Variants in SHROOM3 observed in about 807,000 individuals in gnomAD.
SHROOM3 encodes the protein shroom family member 3.
A neutral mutation model predicts 138.6 loss-of-function variants in SHROOM3; 47 were observed. That is an observed-to-expected ratio of 0.34 (90% CI 0.27 to 0.43). SHROOM3 has a LOEUF of 0.43. Among genes scored for constraint, SHROOM3 ranks in the 20% least tolerant of loss-of-function variants. SHROOM3 has a pLI of 1.00. For synonymous variants in SHROOM3, 1,062 were observed against 1,063.3 expected (o/e 1.00, Z 0.02); for missense variants, 2,491 against 2,596.5 (o/e 0.96, Z 0.88).
intron 2 of SHROOM3, among the ~76,000 whole-genome samples, chr4:76,608,248 G>C (rs536913565): frequency 8.5e-5 from 13 of 152,204 alleles, no homozygotes; most frequent in African/African-American, 3.1e-4. Flanking sequence ...TCTCGAGGGA[G>C]CGCATTCGTT....
At chr4:76,586,602 C>A in intron 2 of SHROOM3, 1 of 444,808 alleles carries the variant, frequency 2.2e-6, no homozygotes, top group Non-Finnish European at 3.0e-6. Flanking sequence ...GTGATGAAAT[C>A]ACCAAGGTTT....
At chr4:76,562,646 C>T (rs1022784221) in intron 2 of SHROOM3, among the ~76,000 whole-genome samples, 1 of 152,056 alleles carries the variant, frequency 6.6e-6, no homozygotes, top group African/African-American at 2.4e-5. Context: ...TTTTCACTAC[C>T]ACCTCCTCAC....
At chr4:76,611,752 G>A (rs958844704) in intron 2 of SHROOM3, among the ~76,000 whole-genome samples, 3 of 152,264 alleles carry the variant, frequency 2.0e-5, no homozygotes, top group African/African-American at 4.8e-5. Context: ...GGAAACACAC[G>A]GAACATGCCC....
At chr4:76,438,159 A>T (rs916523646) in intron 1 of SHROOM3, among the ~76,000 whole-genome samples, 2 of 152,184 alleles carry the variant, frequency 1.3e-5, no homozygotes, top group African/African-American at 4.8e-5. Context: ...ATAATATAGG[A>T]ATTTATTTCT....
Position 76,594,212 on chromosome 4 carries a change from A to G in SHROOM3, c.323+38449A>G, listed in dbSNP as rs141369731. 1.3e-3 allele frequency among the ~76,000 whole-genome samples: 205 copies of G among 152,338 alleles called. 4 individuals are homozygous for G. In the East Asian group the frequency reaches 0.025, roughly 18 times the overall value. On this transcript the variant is annotated intron_variant, in intron 2 of 10. Transcript: ENST00000296043. ...CTGCTACATTGGATTTCTCATCCACAAAATGTCTAATCCTATGTGCTCTTT... is the reference window on the plus strand; with the variant it reads ...CTGCTACATTGGATTTCTCATCCACGAAATGTCTAATCCTATGTGCTCTTT...
intron 2 of SHROOM3, among the ~76,000 whole-genome samples, chr4:76,605,960 T>C (rs545770427): frequency 3.0e-3 from 435 of 143,222 alleles, no homozygotes; most frequent in Non-Finnish European, 4.9e-3. Context: ...CATATATATA[T>C]ACATATATAT....
chr4:76,586,332 G>A, intron 2 of SHROOM3: 1 of 985,736 alleles, frequency 1.0e-6, no homozygotes, highest in South Asian at 4.7e-5. Context: ...TCCTGGGCCA[G>A]AACCGTGCCT....
chr4:76,490,539 G>A (rs1286800087), intron 1 of SHROOM3, among the ~76,000 whole-genome samples: 2 of 152,036 alleles, frequency 1.3e-5, no homozygotes, highest in Non-Finnish European at 2.9e-5. Flanking sequence ...ACAGGTGTGA[G>A]CCACCGCACC....
At chr4:76,735,733 G>A (rs13119819) in intron 4 of SHROOM3, among the ~76,000 whole-genome samples, 10,830 of 148,918 alleles carry the variant, frequency 0.073, 503 homozygotes, top group Non-Finnish European at 0.1. Flanking sequence ...CCAGCTACTC[G>A]GGAGGCTGAG....
At chr4:76,454,361 A>G (rs780369741) in intron 1 of SHROOM3, among the ~76,000 whole-genome samples, 1 of 152,182 alleles carries the variant, frequency 6.6e-6, no homozygotes, top group East Asian at 1.9e-4. Context: ...CTTATATGGT[A>G]TAAGGTAAGG....
At chr4:76,669,922 A>G (rs1448976973) in intron 2 of SHROOM3, among the ~76,000 whole-genome samples, 4 of 152,204 alleles carry the variant, frequency 2.6e-5, no homozygotes, top group Non-Finnish European at 5.9e-5. Flanking sequence ...CACCCACACC[A>G]TATCTCATAG....
chr4:76,620,070 C>CAAAAAA (rs68039696), intron 2 of SHROOM3, among the ~76,000 whole-genome samples: 5 of 61,074 alleles, frequency 8.2e-5, no homozygotes, highest in East Asian at 4.6e-4. Context: ...GAATCTATCT[C>CAAAAAA]AAAAAAAAAA....
chr4:76,512,690 G>A (rs1277575487), intron 1 of SHROOM3, among the ~76,000 whole-genome samples: 1 of 152,182 alleles, frequency 6.6e-6, no homozygotes, highest in Non-Finnish European at 1.5e-5. Context: ...GGACCTAAGG[G>A]ACTTGTGGTA....
intron 3 of SHROOM3, among the ~76,000 whole-genome samples, chr4:76,720,526 A>G (rs11731788): frequency 0.076 from 11,506 of 152,008 alleles, 515 homozygotes; most frequent in Non-Finnish European, 0.1. Flanking sequence ...TCCTATAAAC[A>G]GTAAATGCCT....
intron 1 of SHROOM3, among the ~76,000 whole-genome samples, chr4:76,442,592 G>C (rs1195063870): frequency 6.6e-6 from 1 of 151,930 alleles, no homozygotes; most frequent in Non-Finnish European, 1.5e-5. Flanking sequence ...TGTATTTTTA[G>C]TAGAGATAGG....
intron 7 of SHROOM3, among the ~76,000 whole-genome samples, chr4:76,755,610 A>C (rs1164726999): frequency 6.6e-6 from 1 of 152,068 alleles, no homozygotes; most frequent in Non-Finnish European, 1.5e-5. Flanking sequence ...TTGATACTGA[A>C]CCCCCAAGTT....
At chr4:76,564,114 T>C (rs944033874) in intron 2 of SHROOM3, among the ~76,000 whole-genome samples, 2 of 152,206 alleles carry the variant, frequency 1.3e-5, no homozygotes, top group African/African-American at 4.8e-5. Flanking sequence ...CGCTCTGCTC[T>C]CCCTTCATTA....
intron 2 of SHROOM3, among the ~76,000 whole-genome samples, chr4:76,594,501 A>G (rs899947767): frequency 1.3e-5 from 2 of 152,260 alleles, no homozygotes; most frequent in African/African-American, 4.8e-5. Flanking sequence ...TGTCACTTAC[A>G]TAAAAACTTT....
In SHROOM3 at chr4:76,740,787, T is replaced by G. The variant is rs759838809; in HGVS notation, c.2614T>G (p.Ser872Ala). 6 of 1,611,312 alleles carry G rather than the reference T, an allele frequency of 3.7e-6. No individual in the cohort carries two copies. The South Asian group carries it at 6.6e-5, about 18-fold the overall frequency. ...CGGTCAGCAGCTGAGCGGAGGAGCG[T>G]CGGACAGCGGCCGTGGCCCCCAGAG... ...PCGQQLSGGASDSGRGPQRPD... is the reference protein window; with the variant it reads ...PCGQQLSGGAADSGRGPQRPD... The change falls in exon 5 of 11, where the codon TCG becomes GCG. Residue 872 changes from serine (S) to alanine (A), a missense_variant. Ser to Ala is a moderately conservative substitution (Grantham distance 99). This residue lies in a region of SHROOM3 where 1,733 missense variants were observed against 1,661.6 expected (regional missense o/e 1.04). Transcript: ENST00000296043. This position sits in a 1 kb window ranked among gnomAD's most constrained non-coding sequence, Gnocchi z 4.0.
Sources: gnomAD v4.1 joint callset for allele counts (sites outside exome capture counted in the v4.1 genomes callset) on GRCh38, gnomAD v4.1.1 for gene constraint, gnomAD v4.1.1 regional missense constraint, Gnocchi (gnomAD v3.1) non-coding constraint, MANE v1.5 for transcripts, NCBI Gene and HGNC (gene_info 2026-07-23, HGNC 2026-07-21) for gene names.